Variants in CEP83 observed in about 807,000 individuals in gnomAD.
CEP83 encodes centrosomal protein of 83 kDa.
CEP83 carries 70 observed loss-of-function variants against 101.9 expected under a neutral mutation model. The observed-to-expected ratio is 0.69, with a 90% CI of 0.57 to 0.84. The LOEUF (loss-of-function observed/expected upper bound fraction) is 0.84, where lower values mean the gene tolerates loss of function less well. Ranked by LOEUF, CEP83 falls within the 40% of genes least tolerant of loss-of-function variation. The pLI, the probability that CEP83 is intolerant of heterozygous loss-of-function variation, is 0.00. For missense variants in CEP83, 715 were observed against 787.2 expected, an observed-to-expected ratio of 0.91 and a Z score of 1.10; for synonymous variants, 264 against 267.9, an observed-to-expected ratio of 0.99 and a Z score of 0.14.
At chr12:94,423,660 T>C (rs1464746730) in intron 2 of CEP83, 24 of 1,562,536 alleles carry the variant, frequency 1.5e-5, no homozygotes, top group Non-Finnish European at 2.0e-5. Context: ...TCTCCATTCC[T>C]GGTTAACCCT....
chr12:94,421,967 A>G (rs1242002590), intron 2 of CEP83, among the ~76,000 whole-genome samples: 1 of 152,254 alleles, frequency 6.6e-6, no homozygotes, highest in Non-Finnish European at 1.5e-5. Flanking sequence ...GCCATAATAA[A>G]GAAACCAATA....
chr12:94,305,126 A>G, downstream of CEP83: 1 of 1,143,354 alleles, frequency 8.7e-7, no homozygotes. Flanking sequence ...TGCAAAAAAC[A>G]GAATTGTAAC....
intron 8 of CEP83, among the ~76,000 whole-genome samples, chr12:94,374,914 T>C (rs1255191033): frequency 6.6e-6 from 1 of 152,136 alleles, no homozygotes; most frequent in Non-Finnish European, 1.5e-5. Flanking sequence ...GACAGTGAAC[T>C]GCCCAAGGTC....
chr12:94,378,454 T>G (rs974531638), intron 7 of CEP83, among the ~76,000 whole-genome samples: 3 of 152,206 alleles, frequency 2.0e-5, no homozygotes, highest in Non-Finnish European at 2.9e-5. Flanking sequence ...TGAAAGAAAT[T>G]ATTCTTTCTG....
At chr12:94,366,070 G>C (rs141471249) in intron 11 of CEP83, among the ~76,000 whole-genome samples, 4 of 151,744 alleles carry the variant, frequency 2.6e-5, no homozygotes, top group Non-Finnish European at 2.9e-5. Flanking sequence ...AAAGATGAGG[G>C]AAATGGGAAC....
At chr12:94,426,378 T>G (rs889894331) in intron 2 of CEP83, among the ~76,000 whole-genome samples, 2 of 152,306 alleles carry the variant, frequency 1.3e-5, no homozygotes, top group South Asian at 4.1e-4. Flanking sequence ...ATTCTGTGTT[T>G]TATCTTGCAT....
chr12:94,443,015 T>A (rs968675601), intron 1 of CEP83, among the ~76,000 whole-genome samples: 1 of 152,192 alleles, frequency 6.6e-6, no homozygotes, highest in Non-Finnish European at 1.5e-5. Context: ...CCTACAAATA[T>A]CACCAAAACA....
At chr12:94,319,151 C>A (rs963136567) in intron 14 of CEP83, among the ~76,000 whole-genome samples, 1 of 152,102 alleles carries the variant, frequency 6.6e-6, no homozygotes, top group East Asian at 1.9e-4. Flanking sequence ...GTGTATGTGT[C>A]CAGAAATTTA....
At chr12:94,430,383 T>A (rs1386424911) in intron 2 of CEP83, among the ~76,000 whole-genome samples, 1 of 150,476 alleles carries the variant, frequency 6.6e-6, no homozygotes, top group East Asian at 2.0e-4. Context: ...AGAAAAACAA[T>A]TCCTAGAATA....
chr12:94,312,610 G>A, intron 15 of CEP83: 1 of 985,364 alleles, frequency 1.0e-6, no homozygotes, highest in South Asian at 4.7e-5. Context: ...TCAGAACTAT[G>A]CAATAGCTAC....
intron 11 of CEP83, among the ~76,000 whole-genome samples, chr12:94,341,367 T>C (rs2059681080): frequency 6.6e-6 from 1 of 152,198 alleles, no homozygotes; most frequent in Non-Finnish European, 1.5e-5. Flanking sequence ...TACTTTCCAT[T>C]TCCTTAGTAA....
At chr12:94,283,939 C>T in the CEP83 span, among the ~76,000 whole-genome samples, 5 of 151,956 alleles carry the variant, frequency 3.3e-5, no homozygotes, top group African/African-American at 4.8e-5. Flanking sequence ...AAAAATTAGC[C>T]GGGCATGGTG....
At chr12:94,391,124 G>A (rs2062499673) in intron 6 of CEP83, among the ~76,000 whole-genome samples, 1 of 152,096 alleles carries the variant, frequency 6.6e-6, no homozygotes, top group Admixed American at 6.5e-5. Context: ...GAAATACAGA[G>A]AATGCCACAA....
chr12:94,429,501 T>C (rs973940954), intron 2 of CEP83, among the ~76,000 whole-genome samples: 1 of 152,220 alleles, frequency 6.6e-6, no homozygotes, highest in African/African-American at 2.4e-5. Context: ...CTGCACCTTG[T>C]GCTTGGGCTT....
chr12:94,328,934 T>C (rs1000600281), intron 14 of CEP83, among the ~76,000 whole-genome samples: 1 of 152,212 alleles, frequency 6.6e-6, no homozygotes, highest in African/African-American at 2.4e-5. Flanking sequence ...CTAAGATCCC[T>C]TCCAGTCCTA....
intron 11 of CEP83, among the ~76,000 whole-genome samples, chr12:94,344,854 G>A (rs2059857054): frequency 1.3e-5 from 2 of 152,208 alleles, no homozygotes; most frequent in South Asian, 4.1e-4. Flanking sequence ...AAAGGACCTA[G>A]AAAAGCCAAA....
At chr12:94,297,552 T>G in the CEP83 span, 3 of 655,234 alleles carry the variant, frequency 4.6e-6, no homozygotes, top group Non-Finnish European at 8.1e-6. Context: ...AATGAAAGTT[T>G]AAATTGTAAA....
chr12:94,406,445 A>C (rs193187906), intron 4 of CEP83, among the ~76,000 whole-genome samples: 1 of 152,178 alleles, frequency 6.6e-6, no homozygotes, highest in African/African-American at 2.4e-5. Flanking sequence ...GCATGCAGAG[A>C]AGCATGAGAG....
At chr12:94,285,427 G>A in the CEP83 span, among the ~76,000 whole-genome samples, 1 of 152,204 alleles carries the variant, frequency 6.6e-6, no homozygotes, top group South Asian at 2.1e-4. Flanking sequence ...TGACTGAGGT[G>A]CTGCCCCTGT....
Sources: allele counts gnomAD v4.1 joint callset (sites outside exome capture counted in the v4.1 genomes callset), GRCh38; gene constraint gnomAD v4.1.1; transcripts MANE v1.5; gene names NCBI Gene and HGNC (gene_info 2026-07-23, HGNC 2026-07-21).